The following ZC3H7A variants were observed in gnomAD, a reference collection of about 807,000 sequenced individuals.
ZC3H7A encodes zinc finger CCCH-type containing 7A.
A neutral mutation model predicts 125.5 loss-of-function variants in ZC3H7A; 44 were observed. The ratio of observed to expected loss-of-function variants is 0.35; its 90% CI spans 0.28 to 0.45. ZC3H7A has a LOEUF of 0.45. ZC3H7A is among the 20% of genes least tolerant of loss of function. The pLI, the probability that ZC3H7A is intolerant of heterozygous loss-of-function variation, is 1.00. For missense variants in ZC3H7A, 977 were observed against 1,170.7 expected (o/e 0.83, Z 2.41); for synonymous variants, 399 against 391.2 (o/e 1.02, Z -0.23).
intron 1 of ZC3H7A, among the ~76,000 whole-genome samples, chr16:11,785,963 T>C (rs1018196484): frequency 5.9e-5 from 9 of 152,128 alleles, no homozygotes; most frequent in Admixed American, 2.0e-4. Context: ...TATATTGACA[T>C]ATGCTTGTGT....
At chr16:11,774,924 C>T (rs996875431) in intron 8 of ZC3H7A, 56 bp downstream of exon 8, 31 of 1,562,738 alleles carry the variant, frequency 2.0e-5, no homozygotes, top group African/African-American at 4.1e-5. Flanking sequence ...CATACAAAGA[C>T]ATCAGGTACA....
intron 10 of ZC3H7A, 62 bp from the exon 11 acceptor site, chr16:11,769,157 G>C (rs1596387681): frequency 7.0e-7 from 1 of 1,426,586 alleles, no homozygotes; most frequent in East Asian, 2.4e-5. Context: ...AGAACATCAG[G>C]GCTTAGTAGC....
intron 12 of ZC3H7A, 57 bp downstream of exon 12, chr16:11,768,258 C>A: frequency 7.4e-7 from 1 of 1,356,108 alleles, no homozygotes. Flanking sequence ...TTCCTAAGAA[C>A]TTTCAAGGTT....
In ZC3H7A at chr16:11,756,273, T is replaced by C. The variant is rs1446904067; in HGVS notation, c.2526A>G (p.Lys842=). Residue 842 remains lysine (K), a synonymous_variant, in exon 21 of 23, where the codon AAA becomes AAG. Coordinates refer to ENST00000355758, the MANE Select transcript of ZC3H7A (RefSeq NM_014153.4). Reference sequence around the variant, plus strand: ...CATAATCTGTTGGCATGTGAATTTGTTTTCCATTTTCCTTGTTTGACTGAC... The same window carrying C: ...CATAATCTGTTGGCATGTGAATTTGCTTTCCATTTTCCTTGTTTGACTGAC... ...IASQSNKENG[K]QIHMPTDYAE... is the part of the protein sequence containing the mutation. 1.9e-6 allele frequency: 3 copies of C among 1,614,044 alleles called. No homozygotes were observed. The African/African-American group carries it at 4.0e-5, about 22-fold the overall frequency.
At chr16:11,785,857 G>T (rs1475244194) in intron 1 of ZC3H7A, among the ~76,000 whole-genome samples, 9 of 152,176 alleles carry the variant, frequency 5.9e-5, no homozygotes, top group Non-Finnish European at 1.0e-4. Flanking sequence ...CTGACCTCAT[G>T]ATCTGCTCAC....
chr16:11,785,361 C>T (rs2053240904), intron 1 of ZC3H7A, among the ~76,000 whole-genome samples: 1 of 150,694 alleles, frequency 6.6e-6, no homozygotes, highest in Non-Finnish European at 1.5e-5. Context: ...AAAAAAGCAA[C>T]CGGGTGTGGT....
chr16:11,757,372 T>C (rs1415476905), intron 20 of ZC3H7A, among the ~76,000 whole-genome samples: 1 of 149,728 alleles, frequency 6.7e-6, no homozygotes, highest in Non-Finnish European at 1.5e-5. Flanking sequence ...TAGTCCCAGC[T>C]ACTCGGGAAG....
intron 11 of ZC3H7A, 150 bp downstream of exon 11, chr16:11,768,881 T>G: frequency 1.4e-6 from 1 of 736,816 alleles, no homozygotes; most frequent in South Asian, 2.0e-5. Flanking sequence ...CCGTTATTAC[T>G]AGATGTTCCA....
chr16:11,780,578 G>C (rs956025333), intron 3 of ZC3H7A, among the ~76,000 whole-genome samples: 4 of 152,132 alleles, frequency 2.6e-5, no homozygotes, highest in African/African-American at 9.7e-5. Flanking sequence ...AACAAAACTC[G>C]TGACATGCCA....
chr16:11,789,369 C>T (rs1486779376), intron 1 of ZC3H7A, among the ~76,000 whole-genome samples: 1 of 152,108 alleles, frequency 6.6e-6, no homozygotes, highest in African/African-American at 2.4e-5. Flanking sequence ...ATTCTACTGC[C>T]TCAGCCTCCC....
intron 15 of ZC3H7A, among the ~76,000 whole-genome samples, chr16:11,764,110 T>C (rs1326417635): frequency 6.6e-6 from 1 of 152,016 alleles, no homozygotes; most frequent in Non-Finnish European, 1.5e-5. Flanking sequence ...TTTAAATTTT[T>C]ATCGGAAAAA....
intron 13 of ZC3H7A, 150 bp downstream of exon 13, chr16:11,767,267 G>A (rs529897784): frequency 2.0e-5 from 12 of 596,268 alleles, no homozygotes; most frequent in African/African-American, 1.1e-4. Context: ...GGCTAGGTGC[G>A]TCGTCGGCTA....
chr16:11,773,878 G>A (rs568681553), intron 9 of ZC3H7A, among the ~76,000 whole-genome samples: 2 of 151,546 alleles, frequency 1.3e-5, no homozygotes, highest in African/African-American at 2.4e-5. Flanking sequence ...GCAAGACTCC[G>A]TCTCAAAAAA....
intron 21 of ZC3H7A, among the ~76,000 whole-genome samples, chr16:11,754,286 T>C (rs1273727116): frequency 2.0e-5 from 2 of 99,548 alleles, no homozygotes; most frequent in African/African-American, 9.9e-5. Context: ...AGTGAGACCC[T>C]GTCTCAAAAA....
At chr16:11,763,309 G>A (rs371096931) in intron 16 of ZC3H7A, 169 bp downstream of exon 16, 29 of 526,416 alleles carry the variant, frequency 5.5e-5, no homozygotes, top group Middle Eastern at 3.2e-4. Context: ...GGATTTTGCC[G>A]TACTGGCCAG....
chr16:11,784,342 T>G (rs2053221206), intron 1 of ZC3H7A, among the ~76,000 whole-genome samples: 1 of 152,014 alleles, frequency 6.6e-6, no homozygotes, highest in Non-Finnish European at 1.5e-5. Context: ...TTTATATATT[T>G]TTTTAATTTA....
rs547360651 is a variant in ZC3H7A, at chr16:11,795,919, C to T, written c.-35+1205G>A. The stretch of plus-strand genomic sequence containing the variant: ...CTGGGCTCAAGGGATTCTCCCACCC[C>T]AGCCTTCCGAGTAGCAGATTCTCCC... On this transcript the variant is annotated intron_variant, in intron 1 of 22. Transcript: ENST00000355758. Among the ~76,000 whole-genome samples, 8 of 152,294 alleles carry T rather than the reference C, an allele frequency of 5.3e-5. No homozygotes were observed. In the South Asian group the frequency reaches 1.7e-3, roughly 32 times the overall value.
rs750403400 is a variant in ZC3H7A, at chr16:11,770,866, G to A, written c.1025C>T (p.Ser342Leu). The stretch of plus-strand genomic sequence containing the variant: ...TGAAGTCAAAGGTGGATAAAATTCT[G>A]AGAAGGAGGGTGGAGGAGCATACCT... ...GARYAPPPSF[S>L]EFYPPLTSSL... Residue 342 changes from serine (S) to leucine (L), a missense_variant, in exon 10 of 23, where the codon TCA becomes TTA. Ser to Leu is a moderately radical substitution (Grantham distance 145). This residue lies in a region of ZC3H7A where 342 missense variants were observed against 311.3 expected (regional missense o/e 1.10). Coordinates refer to ENST00000355758, the MANE Select transcript of ZC3H7A (RefSeq NM_014153.4). 7 of 1,614,084 alleles carry A rather than the reference G, an allele frequency of 4.3e-6. No homozygotes were observed. The highest frequency in any genetic ancestry group is 5.9e-6 in the Non-Finnish European group (7 of 1,180,042).
intron 1 of ZC3H7A, among the ~76,000 whole-genome samples, chr16:11,792,626 A>C (rs984083594): frequency 3.3e-5 from 5 of 152,236 alleles, no homozygotes; most frequent in Non-Finnish European, 7.3e-5. Flanking sequence ...ATACGTATTA[A>C]GTCATTTAAT....
Sources: gnomAD v4.1 joint callset for allele counts (sites outside exome capture counted in the v4.1 genomes callset) on GRCh38, gnomAD v4.1.1 for gene constraint, gnomAD v4.1.1 regional missense constraint, MANE v1.5 for transcripts, NCBI Gene and HGNC (gene_info 2026-07-23, HGNC 2026-07-21) for gene names.